The following TPTE2 variants were observed in gnomAD, a reference collection of about 807,000 sequenced individuals.
TPTE2 encodes the protein transmembrane phosphoinositide 3-phosphatase and tensin homolog 2.
In TPTE2, 53 loss-of-function variants were observed where a neutral mutation model predicts 78.6. The observed-to-expected ratio is 0.67, with a 90% confidence interval of 0.54 to 0.85. The LOEUF (loss-of-function observed/expected upper bound fraction) is 0.85, where lower values mean the gene tolerates loss of function less well. TPTE2 is among the 40% of genes least tolerant of loss of function. The pLI is 0.00. For synonymous variants in TPTE2, 175 were observed against 206.2 expected (o/e 0.85, Z 1.30); for missense variants, 461 against 623.0 (o/e 0.74, Z 2.77).
chr13:19,549,132 A>AG, the TPTE2 span, among the ~76,000 whole-genome samples: 3 of 150,818 alleles, frequency 2.0e-5, no homozygotes, highest in African/African-American at 7.3e-5. Flanking sequence ...AAAAAAAAAA[A>AG]GCAACTGTAA....
At chr13:19,423,857 G>A (rs1875792231) in intron 19 of TPTE2, among the ~76,000 whole-genome samples, 1 of 152,164 alleles carries the variant, frequency 6.6e-6, no homozygotes, top group Non-Finnish European at 1.5e-5. Context: ...CCTTTAGCAA[G>A]AACCACTTTT....
chr13:19,467,485 G>C, intron 6 of TPTE2, 141 bp from the exon 10 acceptor site: 2 of 728,332 alleles, frequency 2.7e-6, no homozygotes, highest in Non-Finnish European at 2.0e-6. Context: ...TTCTAGAGTA[G>C]ACTAAGGGAA....
upstream of TPTE2, among the ~76,000 whole-genome samples, chr13:19,538,598 G>A: frequency 6.6e-6 from 1 of 151,010 alleles, no homozygotes; most frequent in East Asian, 1.9e-4. Context: ...GCGCGATCTT[G>A]GCTCACTGCA....
At chr13:19,552,297 A>G in the TPTE2 span, among the ~76,000 whole-genome samples, 3 of 152,228 alleles carry the variant, frequency 2.0e-5, no homozygotes, top group African/African-American at 7.2e-5. Context: ...GAAAACTGCA[A>G]TCATTTGCAG....
chr13:19,542,005 TGA>T, the TPTE2 span, among the ~76,000 whole-genome samples: 1 of 152,212 alleles, frequency 6.6e-6, no homozygotes, highest in Non-Finnish European at 1.5e-5. Flanking sequence ...ATTTCTTTAA[TGA>T]TTATTCAGTT....
intron 10 of TPTE2, among the ~76,000 whole-genome samples, chr13:19,453,929 C>T (rs190008739): frequency 3.9e-5 from 6 of 152,296 alleles, no homozygotes; most frequent in Admixed American, 3.3e-4. Flanking sequence ...ATGCTGTCTC[C>T]TCTTAGAAAG....
At chr13:19,551,774 A>G in the TPTE2 span, among the ~76,000 whole-genome samples, 1 of 152,178 alleles carries the variant, frequency 6.6e-6, no homozygotes, top group East Asian at 1.9e-4. Flanking sequence ...GATTATCAAA[A>G]ATTAAGATAT....
chr13:19,475,537 A>C (rs1449325267), intron 5 of TPTE2, 36 bp downstream of exon 8: 1 of 1,600,206 alleles, frequency 6.2e-7, no homozygotes. Flanking sequence ...AGTCTCAGAT[A>C]TATTTAATAC....
exon 20 of TPTE2, chr13:19,423,029 C>T (rs943532920): frequency 5.6e-6 from 9 of 1,609,158 alleles, no homozygotes; most frequent in Admixed American, 1.7e-5. Context: ...GGGAGCTATA[C>T]TTAGTCGGAT....
intron 13 of TPTE2, among the ~76,000 whole-genome samples, chr13:19,446,714 G>T (rs1450171670): frequency 6.6e-6 from 1 of 152,150 alleles, no homozygotes; most frequent in Non-Finnish European, 1.5e-5. Flanking sequence ...GCTGAGGTGG[G>T]TGGATCACTT....
At chr13:19,509,985 A>T (rs1224812583) in intron 1 of TPTE2, among the ~76,000 whole-genome samples, 2 of 152,202 alleles carry the variant, frequency 1.3e-5, no homozygotes, top group Non-Finnish European at 2.9e-5. Flanking sequence ...AAATGTGTAA[A>T]TTAAAACTAT....
intron 13 of TPTE2, among the ~76,000 whole-genome samples, chr13:19,445,239 C>T (rs757586419): frequency 6.6e-6 from 1 of 151,994 alleles, no homozygotes; most frequent in East Asian, 1.9e-4. Context: ...ACATAAAGAA[C>T]TCCTACAATC....
intron 10 of TPTE2, among the ~76,000 whole-genome samples, chr13:19,461,113 G>C (rs866205073): frequency 2.2e-4 from 34 of 152,206 alleles, no homozygotes; most frequent in Admixed American, 5.9e-4. Flanking sequence ...TTGAGCCTGG[G>C]CCTGAAGAGG....
At chr13:19,547,714 A>AATAC in the TPTE2 span, among the ~76,000 whole-genome samples, 5 of 108,542 alleles carry the variant, frequency 4.6e-5, no homozygotes, top group South Asian at 8.8e-4. Context: ...CTAAGTAATA[A>AATAC]ATATACATAT....
intron 1 of TPTE2, among the ~76,000 whole-genome samples, chr13:19,516,204 T>C (rs1238465680): frequency 6.6e-6 from 1 of 152,230 alleles, no homozygotes; most frequent in African/African-American, 2.4e-5. Context: ...TACCAGGTTA[T>C]AATGAAAAGT....
chr13:19,546,311 G>C, the TPTE2 span, among the ~76,000 whole-genome samples: 22 of 152,202 alleles, frequency 1.4e-4, no homozygotes, highest in South Asian at 2.5e-3. Flanking sequence ...AGAACCTAAA[G>C]AGAGGTGATG....
chr13:19,503,177 G>T (rs1420606885), intron 1 of TPTE2, 47 bp downstream of exon 4: 1 of 1,612,222 alleles, frequency 6.2e-7, no homozygotes. Flanking sequence ...ATACTTCTAT[G>T]CTCAGTTATA....
In TPTE2 at chr13:19,486,747, G is replaced by A. The variant is rs552878107; in HGVS notation, c.120-4200C>T. Reference sequence around the variant, plus strand: ...ATATCTTTGCCAGGGCTGGCCAAGAGGGGGTGTTTCTCAGGCCTGGGATAC... The same window carrying A: ...ATATCTTTGCCAGGGCTGGCCAAGAAGGGGTGTTTCTCAGGCCTGGGATAC... On this transcript the variant is annotated intron_variant, in intron 3 of 19. Coordinates refer to ENST00000400230, the Ensembl canonical transcript of TPTE2. The surrounding 1 kb of genome is among the most constrained non-coding windows in gnomAD (Gnocchi z 4.3). 3.9e-5 allele frequency among the ~76,000 whole-genome samples: 6 copies of A among 152,334 alleles called. No homozygotes were observed. The East Asian group carries it at 1.2e-3, about 29-fold the overall frequency.
intron 1 of TPTE2, among the ~76,000 whole-genome samples, chr13:19,511,221 AC>A (rs1869418174): frequency 6.6e-6 from 1 of 152,236 alleles, no homozygotes. Context: ...TGTGTTCCTC[AC>A]TAGGGGATGC....
Sources: gnomAD v4.1 joint callset for allele counts (sites outside exome capture counted in the v4.1 genomes callset) on GRCh38, gnomAD v4.1.1 for gene constraint, Gnocchi (gnomAD v3.1) non-coding constraint, MANE v1.5 for transcripts, NCBI Gene and HGNC (gene_info 2026-07-23, HGNC 2026-07-21) for gene names.